Variants in TMEM44 observed in about 807,000 individuals in gnomAD.
TMEM44 encodes transmembrane protein 44.
A neutral mutation model predicts 47.8 loss-of-function variants in TMEM44; 43 were observed. The observed-to-expected ratio is 0.90, with a 90% CI of 0.70 to 1.16. The LOEUF (loss-of-function observed/expected upper bound fraction) is 1.16. TMEM44 is among the 50% of genes most tolerant of loss of function. The pLI, the probability that TMEM44 is intolerant of heterozygous loss-of-function variation, is 0.00. For synonymous variants in TMEM44, 277 were observed against 238.8 expected (o/e 1.16, Z -1.48); for missense variants, 568 against 555.2 (o/e 1.02, Z -0.23).
rs1715293247 is a variant in TMEM44, at chr3:194,611,227, C to A, written c.913-207G>T. Among the ~76,000 whole-genome samples, 1 of 152,128 alleles carries A rather than the reference C, an allele frequency of 6.6e-6. No homozygotes were observed. Among genetic ancestry groups the A allele is most frequent in the South Asian group, 2.1e-4 (1 of 4,828 alleles). ...GTCATTTAGTGTTTCCCAAATTTTGCAACACAGTAGAATCAGCTAGGAATC... is the reference window on the plus strand; with the variant it reads ...GTCATTTAGTGTTTCCCAAATTTTGAAACACAGTAGAATCAGCTAGGAATC... On this transcript the variant is annotated intron_variant, in intron 7 of 9. Coordinates refer to ENST00000347147, the MANE Select transcript of TMEM44 (RefSeq NM_001011655.3). This position sits in a 1 kb window ranked among gnomAD's most constrained non-coding sequence, Gnocchi z 4.2.
intron 1 of TMEM44, among the ~76,000 whole-genome samples, chr3:194,628,982 G>C (rs1041677803): frequency 1.3e-5 from 2 of 152,138 alleles, no homozygotes; most frequent in African/African-American, 4.8e-5. Context: ...TGGCCAACAT[G>C]GTGAAACCCC....
chr3:194,629,533 A>T (rs960301416), intron 1 of TMEM44, among the ~76,000 whole-genome samples: 86 of 115,730 alleles, frequency 7.4e-4, no homozygotes, highest in South Asian at 2.3e-3. Flanking sequence ...GGCTGGCTGT[A>T]TCTATCGGCG....
intron 7 of TMEM44, among the ~76,000 whole-genome samples, chr3:194,614,340 T>C (rs903025165): frequency 2.6e-5 from 4 of 152,098 alleles, no homozygotes; most frequent in Admixed American, 6.6e-5. Flanking sequence ...GGTAATGATG[T>C]GGATATTAAA....
At chr3:194,624,665 C>G (rs1716941368) in intron 3 of TMEM44, among the ~76,000 whole-genome samples, 1 of 152,056 alleles carries the variant, frequency 6.6e-6, no homozygotes, top group East Asian at 1.9e-4. Flanking sequence ...GCAATCTTCC[C>G]AACTCAGCCT....
intron 5 of TMEM44, among the ~76,000 whole-genome samples, chr3:194,618,372 AAC>A (rs1716168141): frequency 6.6e-6 from 1 of 151,564 alleles, no homozygotes; most frequent in Non-Finnish European, 1.5e-5. Context: ...TATATACACA[AAC>A]ACCATATATT....
intron 1 of TMEM44, among the ~76,000 whole-genome samples, chr3:194,632,577 T>G (rs918146264): frequency 3.3e-5 from 5 of 152,274 alleles, no homozygotes; most frequent in Middle Eastern, 3.4e-3. Flanking sequence ...CTAAGAGGAC[T>G]TTGGGTAAAC....
rs775770005 is a variant in TMEM44, at chr3:194,623,587, G to A, written c.467C>T (p.Pro156Leu). Residue 156 changes from proline (P) to leucine (L), a missense_variant, in exon 4 of 10, where the codon CCG (proline) becomes CTG (leucine). Physicochemically the swap from Pro to Leu is moderately conservative, Grantham distance 98 (BLOSUM62 -3). Coordinates refer to ENST00000347147, the MANE Select transcript of TMEM44 (RefSeq NM_001011655.3). ...CCCCCGGATGGTGGCTGAAGCCTTC[G>A]GGACAGCAACCCACAGAGCCCAGCA... ...GPCWALWVAV[P>L]KASATIRGPQ... 27 of 1,611,184 alleles carry A rather than the reference G, an allele frequency of 1.7e-5. No homozygotes were observed. Among genetic ancestry groups the A allele is most frequent in the African/African-American group, 2.7e-5 (2 of 74,896 alleles).
chr3:194,588,775 C>A (rs1712188221), intron 9 of TMEM44, 136 bp from the exon 10 acceptor site: 2 of 797,304 alleles, frequency 2.5e-6, no homozygotes, highest in Non-Finnish European at 4.1e-6. Flanking sequence ...AGGGTAAGGA[C>A]AAGTTACCCA....
rs749242511 is a variant in TMEM44 at position 194,623,314 on chromosome 3, C to T, written c.526-4G>A. On this transcript the variant is annotated splice_polypyrimidine_tract_variant and splice_region_variant and intron_variant, in intron 4 of 9. Coordinates refer to ENST00000347147, the MANE Select transcript of TMEM44 (RefSeq NM_001011655.3). ...AGCCGAGGATCTCAGTATTTTCCTG[C>T]AAGAACGAACAGGTGATCCACCATC... The T allele has an allele frequency of 6.2e-7, 1 of 1,600,162 alleles. No homozygotes were observed. The highest frequency in any genetic ancestry group is 2.2e-5 in the East Asian group (1 of 44,490).
chr3:194,590,577 G>A (rs1267101607), intron 9 of TMEM44, among the ~76,000 whole-genome samples: 2 of 152,210 alleles, frequency 1.3e-5, no homozygotes, highest in Non-Finnish European at 2.9e-5. Flanking sequence ...TGGTCAGTGT[G>A]CTCTTTGATG....
chr3:194,629,518 G>A (rs928678631), intron 1 of TMEM44, among the ~76,000 whole-genome samples: 6 of 152,116 alleles, frequency 3.9e-5, no homozygotes, highest in East Asian at 1.9e-4. Flanking sequence ...CATGCCTCCC[G>A]AAGGGGCTGG....
At chr3:194,590,107 T>A (rs1712451826) in intron 9 of TMEM44, 1 of 152,214 alleles carries the variant, frequency 6.6e-6, no homozygotes, top group Non-Finnish European at 1.5e-5. Flanking sequence ...TGAAGCTGAA[T>A]CGAACATTCC....
At chr3:194,614,263 C>A (rs375997756) in intron 7 of TMEM44, among the ~76,000 whole-genome samples, 2 of 152,158 alleles carry the variant, frequency 1.3e-5, no homozygotes, top group Non-Finnish European at 2.9e-5. Flanking sequence ...CATCACAAGC[C>A]GATTTCCAAA....
chr3:194,600,648 G>C (rs769735502), intron 9 of TMEM44, among the ~76,000 whole-genome samples: 4 of 152,084 alleles, frequency 2.6e-5, no homozygotes, highest in Non-Finnish European at 4.4e-5. Context: ...ATACTCAGGA[G>C]GCTGAGGCAG....
chr3:194,592,362 G>A (rs1252437914), intron 9 of TMEM44, among the ~76,000 whole-genome samples: 1 of 152,244 alleles, frequency 6.6e-6, no homozygotes. Flanking sequence ...GTCACTTGGA[G>A]GCAAGGGTGG....
intron 9 of TMEM44, chr3:194,593,207 G>A: frequency 1.2e-6 from 1 of 839,382 alleles, no homozygotes; most frequent in Non-Finnish European, 2.0e-6. Flanking sequence ...TGGGGGCAAA[G>A]GAACAGGTGA....
At chr3:194,617,046 C>T (rs993557269) in intron 6 of TMEM44, 53 bp downstream of exon 6, 3 of 1,437,162 alleles carry the variant, frequency 2.1e-6, no homozygotes, top group Admixed American at 6.0e-5. Context: ...GAGGACGAGA[C>T]ACAGGCCTCC....
At chr3:194,593,302 C>T (rs536507635) in intron 9 of TMEM44, among the ~76,000 whole-genome samples, 24 of 152,176 alleles carry the variant, frequency 1.6e-4, no homozygotes, top group Non-Finnish European at 2.5e-4. Context: ...TTATGAAGGG[C>T]TGCACGTCCT....
At chr3:194,617,343 A>C (rs1214512349) in intron 5 of TMEM44, 74 bp from the exon 6 acceptor site, 1 of 1,437,324 alleles carries the variant, frequency 7.0e-7, no homozygotes, top group Non-Finnish European at 9.2e-7. Flanking sequence ...GTGGCACAGC[A>C]GGTTGCGGGG....
Sources: allele counts gnomAD v4.1 joint callset (sites outside exome capture counted in the v4.1 genomes callset), GRCh38; gene constraint gnomAD v4.1.1; non-coding constraint Gnocchi (gnomAD v3.1); transcripts MANE v1.5; gene names NCBI Gene and HGNC (gene_info 2026-07-23, HGNC 2026-07-21).